The following KCNH8 variants were observed in gnomAD, a reference collection of about 807,000 sequenced individuals.
KCNH8 encodes the protein voltage-gated delayed rectifier potassium channel KCNH8.
In KCNH8, 70 loss-of-function variants were observed where a neutral mutation model predicts 103.6. That is an observed-to-expected ratio of 0.68 (90% CI 0.56 to 0.82). KCNH8 has a LOEUF of 0.82. KCNH8 is among the 40% of genes least tolerant of loss of function. The pLI, the probability that KCNH8 is intolerant of heterozygous loss-of-function variation, is 0.00. For missense variants in KCNH8, 1,217 were observed against 1,329.9 expected, an observed-to-expected ratio of 0.92 and a Z score of 1.32; for synonymous variants, 498 against 489.4, an observed-to-expected ratio of 1.02 and a Z score of -0.23.
At position 19,256,440 on chromosome 3, in the gene KCNH8, G is replaced by A. The variant is rs117155126; in HGVS notation, c.310+2553G>A. ...ATTATACCATAATCATTGAAAGGAG[G>A]CCTGAGATAAAAGAAAATGCAGGAT... On this transcript the variant is annotated intron_variant, in intron 2 of 15. Transcript: ENST00000328405. Among the ~76,000 whole-genome samples the A allele has an allele frequency of 1.1e-3, 172 of 152,158 alleles. No individual in the cohort carries two copies. The East Asian group carries it at 0.028, about 25-fold the overall frequency.
chr3:19,521,067 CTT>C (rs1233231582), intron 15 of KCNH8, among the ~76,000 whole-genome samples: 1 of 151,958 alleles, frequency 6.6e-6, no homozygotes, highest in Non-Finnish European at 1.5e-5. Context: ...TAAGGAAACT[CTT>C]TGAAAATTAC....
chr3:19,340,505 T>C (rs1050988105), intron 3 of KCNH8, among the ~76,000 whole-genome samples: 6 of 152,068 alleles, frequency 3.9e-5, no homozygotes, highest in Non-Finnish European at 7.4e-5. Context: ...AGGATGAAAT[T>C]GTATGCTGAC....
chr3:19,520,485 T>C (rs2068953195), intron 15 of KCNH8, among the ~76,000 whole-genome samples: 1 of 151,954 alleles, frequency 6.6e-6, no homozygotes, highest in Non-Finnish European at 1.5e-5. Context: ...ACAAATGGAC[T>C]TCAAACTGTA....
At chr3:19,507,640 G>A (rs1469993210) in intron 11 of KCNH8, among the ~76,000 whole-genome samples, 1 of 152,192 alleles carries the variant, frequency 6.6e-6, no homozygotes. Flanking sequence ...GGTGGGGACA[G>A]GGTAGTTGTG....
chr3:19,269,032 A>G (rs1233339072), intron 2 of KCNH8, among the ~76,000 whole-genome samples: 3 of 152,244 alleles, frequency 2.0e-5, no homozygotes, highest in South Asian at 4.1e-4. Context: ...GTGTATAGAT[A>G]TATCTGTTTT....
At chr3:19,246,562 A>G (rs1466966610) in intron 1 of KCNH8, among the ~76,000 whole-genome samples, 1 of 152,252 alleles carries the variant, frequency 6.6e-6, no homozygotes, top group African/African-American at 2.4e-5. Flanking sequence ...GGCGTGAGTC[A>G]CCACGCCCAG....
chr3:19,380,138 T>C (rs983483673), intron 5 of KCNH8, among the ~76,000 whole-genome samples: 1 of 152,196 alleles, frequency 6.6e-6, no homozygotes, highest in African/African-American at 2.4e-5. Context: ...ACTGAGAAAC[T>C]CTAGATACTA....
intron 1 of KCNH8, among the ~76,000 whole-genome samples, chr3:19,236,764 A>G (rs75385663): frequency 2.0e-5 from 3 of 151,598 alleles, no homozygotes; most frequent in Middle Eastern, 3.2e-3. Flanking sequence ...TAAGACAAGG[A>G]AAAAAAAAGC....
chr3:19,211,533 C>T (rs1457411364), intron 1 of KCNH8, among the ~76,000 whole-genome samples: 2 of 152,138 alleles, frequency 1.3e-5, no homozygotes, highest in South Asian at 2.1e-4. Flanking sequence ...TAATGTTGAA[C>T]CATCAGTGAG....
At chr3:19,460,257 T>C (rs978270623) in intron 11 of KCNH8, among the ~76,000 whole-genome samples, 10 of 151,964 alleles carry the variant, frequency 6.6e-5, no homozygotes, top group African/African-American at 2.4e-4. Flanking sequence ...GCTCAAACCA[T>C]AGTATGTTTA....
intron 1 of KCNH8, among the ~76,000 whole-genome samples, chr3:19,220,186 G>A (rs2063858491): frequency 6.6e-6 from 1 of 152,158 alleles, no homozygotes; most frequent in Non-Finnish European, 1.5e-5. Flanking sequence ...CTTGGCCATT[G>A]CTGTTTTTCA....
chr3:19,511,561 A>G (rs958869889), intron 12 of KCNH8, among the ~76,000 whole-genome samples: 3 of 152,158 alleles, frequency 2.0e-5, no homozygotes, highest in African/African-American at 7.2e-5. Context: ...TGATTTTTCT[A>G]TCCAACGATG....
intron 11 of KCNH8, among the ~76,000 whole-genome samples, chr3:19,504,071 G>A (rs1559361943): frequency 6.6e-6 from 1 of 152,034 alleles, no homozygotes; most frequent in Non-Finnish European, 1.5e-5. Context: ...CAACAAAGCT[G>A]ACAAAAACCA....
chr3:19,339,383 C>A (rs2065627876), intron 3 of KCNH8, among the ~76,000 whole-genome samples: 1 of 152,034 alleles, frequency 6.6e-6, no homozygotes, highest in Non-Finnish European at 1.5e-5. Context: ...GTTGGCCATA[C>A]CTACGAAATT....
chr3:19,157,481 C>T (rs2063191880), intron 1 of KCNH8, among the ~76,000 whole-genome samples: 1 of 152,002 alleles, frequency 6.6e-6, no homozygotes, highest in Non-Finnish European at 1.5e-5. Flanking sequence ...TTTTAGGATA[C>T]ATCATTAATA....
chr3:19,358,124 A>G (rs1259380173), intron 5 of KCNH8, among the ~76,000 whole-genome samples: 2 of 151,850 alleles, frequency 1.3e-5, no homozygotes, highest in Non-Finnish European at 2.9e-5. Flanking sequence ...CTGGCTTACT[A>G]GAAAAAAATA....
intron 7 of KCNH8, among the ~76,000 whole-genome samples, chr3:19,432,344 T>G (rs144732281): frequency 3.8e-4 from 58 of 152,204 alleles, no homozygotes; most frequent in African/African-American, 1.4e-3. Flanking sequence ...CCAAAAACAG[T>G]TGAGAAATGA....
At chr3:19,507,621 A>T (rs1412081081) in intron 11 of KCNH8, among the ~76,000 whole-genome samples, 1 of 152,114 alleles carries the variant, frequency 6.6e-6, no homozygotes, top group East Asian at 1.9e-4. Context: ...CCTCCAACTG[A>T]CATGTTCAGG....
At chr3:19,360,735 AAG>A (rs2065937202) in intron 5 of KCNH8, among the ~76,000 whole-genome samples, 2 of 152,168 alleles carry the variant, frequency 1.3e-5, no homozygotes, top group South Asian at 4.1e-4. Flanking sequence ...GACAACATAA[AAG>A]AAATCATTTA....
Sources: gnomAD v4.1 joint callset for allele counts (sites outside exome capture counted in the v4.1 genomes callset) on GRCh38, gnomAD v4.1.1 for gene constraint, MANE v1.5 for transcripts, NCBI Gene and HGNC (gene_info 2026-07-23, HGNC 2026-07-21) for gene names.